The following PCDHA7 variants were observed in gnomAD, a reference collection of about 807,000 sequenced individuals.
PCDHA7 encodes protocadherin alpha-7.
In PCDHA7, 37 loss-of-function variants were observed where a neutral mutation model predicts 57.2. That is an observed-to-expected ratio of 0.65 (90% CI 0.50 to 0.85). The LOEUF is 0.85. Among genes scored for constraint, PCDHA7 ranks in the 40% least tolerant of loss-of-function variants. The probability of loss-of-function intolerance (pLI) is 0.00; values close to 1 mark genes in which losing one functional copy is unlikely to be tolerated. For missense variants in PCDHA7, 1,188 were observed against 1,241.8 expected, an observed-to-expected ratio of 0.96 and a Z score of 0.65; for synonymous variants, 553 against 558.8, an observed-to-expected ratio of 0.99 and a Z score of 0.15.
At chr5:140,967,468 C>T (rs155807) in intron 1 of PCDHA7, 541,339 of 1,613,022 alleles carry the variant, frequency 0.34, 92,423 homozygotes, top group East Asian at 0.5. Context: ...ATGGGGGCAT[C>T]CCAGCCCGCT....
At chr5:140,928,489 C>A in intron 1 of PCDHA7, 1 of 1,614,152 alleles carries the variant, frequency 6.2e-7, no homozygotes. Context: ...TGGTGGCATT[C>A]CTCCCAGAAG....
rs533760082 is a variant in PCDHA7 at position 140,985,940 on chromosome 5, T to C, written c.2503+3377T>C. On this transcript the variant is annotated intron_variant, in intron 3 of 3. Coordinates refer to ENST00000525929, the MANE Select transcript of PCDHA7 (RefSeq NM_018910.3). ...ATTTTTAGTAGAGCCGGGGTTTCAC[T>C]GTGTTAGCCAGGATGGTCTCAATCT... is the stretch of plus-strand genomic sequence containing the variant. Among the ~76,000 whole-genome samples, 4 of 151,946 alleles carry C rather than the reference T, an allele frequency of 2.6e-5. No homozygotes were observed. In the South Asian group the frequency reaches 6.2e-4, roughly 24 times the overall value.
At chr5:140,923,971 A>G (rs557891257) in intron 1 of PCDHA7, among the ~76,000 whole-genome samples, 2 of 152,330 alleles carry the variant, frequency 1.3e-5, no homozygotes, top group East Asian at 3.9e-4. Flanking sequence ...ATACCCACAC[A>G]TACTATCCCT....
chr5:140,954,782 C>T (rs894049284), intron 1 of PCDHA7, among the ~76,000 whole-genome samples: 3 of 152,128 alleles, frequency 2.0e-5, no homozygotes, highest in Non-Finnish European at 4.4e-5. Context: ...TTAATTAGAT[C>T]TCATTTGTCA....
rs782073950 is a variant in PCDHA7, at chr5:140,978,950, C to G, written c.2357C>G (p.Pro786Arg). The G allele has an allele frequency of 1.2e-6, 2 of 1,614,102 alleles. No individual in the cohort carries two copies. The highest frequency in any genetic ancestry group is 1.7e-6 in the Non-Finnish European group (2 of 1,180,022). Reference sequence around the variant, plus strand: ...AAAACTCTCTTTGTGATTTTGCAGCCACGACAGCCCAACCCTGACTGGCGT... The same window carrying G: ...AAAACTCTCTTTGTGATTTTGCAGCGACGACAGCCCAACCCTGACTGGCGT... ...LPQGPSSTDN[P>R]RQPNPDWRYS... The change falls in exon 2 of 4, where the codon CCA becomes CGA. Residue 786 changes from proline to arginine, a missense_variant and splice_region_variant. This residue lies in a region of PCDHA7 where 892 missense variants were observed against 788.5 expected (regional missense o/e 1.13). Coordinates refer to ENST00000525929, the MANE Select transcript of PCDHA7 (RefSeq NM_018910.3).
At chr5:140,966,405 A>G (rs562045428) in intron 1 of PCDHA7, 6 of 404,248 alleles carry the variant, frequency 1.5e-5, no homozygotes, top group African/African-American at 1.2e-4. Context: ...TCGGCGCGGA[A>G]TCAGAGCAGG....
At chr5:140,911,088 C>T (rs1447899502) in intron 1 of PCDHA7, among the ~76,000 whole-genome samples, 3 of 152,092 alleles carry the variant, frequency 2.0e-5, no homozygotes, top group African/African-American at 7.2e-5. Flanking sequence ...ATTATCTTGC[C>T]TGGCAACTGC....
In PCDHA7 at chr5:140,876,730, G is replaced by A. The variant is rs1338047769; in HGVS notation, c.2355+39992G>A. ...CGCCCTGGACCGCGAGAGCGTGTCG[G>A]CCTATGAGCTGGTGGTGACTGCGCG... On this transcript the variant is annotated intron_variant, in intron 1 of 3. Transcript: ENST00000525929. 1.2e-6 allele frequency: 2 copies of A among 1,614,254 alleles called. No individual in the cohort carries two copies. The highest frequency in any genetic ancestry group is 1.7e-6 in the Non-Finnish European group (2 of 1,180,050).
chr5:140,877,531 G>C, intron 1 of PCDHA7: 1 of 1,613,792 alleles, frequency 6.2e-7, no homozygotes, highest in Non-Finnish European at 8.5e-7. Context: ...AGTGGGCGCT[G>C]TGGATCCCGA....
At chr5:140,894,506 A>G (rs533835142) in intron 1 of PCDHA7, among the ~76,000 whole-genome samples, 2 of 151,922 alleles carry the variant, frequency 1.3e-5, no homozygotes, top group Non-Finnish European at 2.9e-5. Flanking sequence ...GGCATTATCC[A>G]TAGTGTTTAT....
intron 1 of PCDHA7, chr5:140,966,800 G>A: frequency 6.5e-7 from 1 of 1,540,654 alleles, no homozygotes; most frequent in Non-Finnish European, 8.7e-7. Context: ...TGCGGCGACA[G>A]AGCATCCACG....
intron 1 of PCDHA7, chr5:140,856,933 C>T: frequency 5.0e-6 from 8 of 1,593,874 alleles, no homozygotes; most frequent in Non-Finnish European, 6.0e-6. Flanking sequence ...TTTGGATAAA[C>T]GAAAGGACGG....
At chr5:140,870,930 A>C (rs373236202) in intron 1 of PCDHA7, 10 of 1,613,732 alleles carry the variant, frequency 6.2e-6, no homozygotes, top group Non-Finnish European at 8.5e-6. Flanking sequence ...TTTCATATGA[A>C]TTGCAGCCGG....
At chr5:140,850,071 G>A (rs2150465789) in intron 1 of PCDHA7, 1 of 1,596,556 alleles carries the variant, frequency 6.3e-7, no homozygotes, top group Non-Finnish European at 8.6e-7. Flanking sequence ...GTTGGACCAC[G>A]AGGAGCTGGA....
chr5:140,858,074 A>T (rs782716439), intron 1 of PCDHA7: 3 of 1,597,640 alleles, frequency 1.9e-6, no homozygotes, highest in Middle Eastern at 1.7e-4. Context: ...CCAGGCACCC[A>T]AGGCCTCGTC....
intron 1 of PCDHA7, chr5:140,884,678 A>T (rs781881057): frequency 1.0e-5 from 16 of 1,553,210 alleles, no homozygotes; most frequent in South Asian, 4.9e-5. Context: ...CTTATATTTT[A>T]AAAAATTGTC....
At chr5:140,874,625 T>C (rs1342932675) in intron 1 of PCDHA7, among the ~76,000 whole-genome samples, 3 of 152,238 alleles carry the variant, frequency 2.0e-5, no homozygotes, top group Admixed American at 6.5e-5. Flanking sequence ...ACATTTTACA[T>C]TAAAGTGCTT....
chr5:140,862,365 G>A (rs569361686), intron 1 of PCDHA7: 7 of 337,896 alleles, frequency 2.1e-5, no homozygotes, highest in African/African-American at 1.3e-4. Context: ...CAGACGACCC[G>A]CACCCTGACT....
chr5:140,900,840 T>C (rs6874218), intron 1 of PCDHA7, among the ~76,000 whole-genome samples: 1 of 151,950 alleles, frequency 6.6e-6, no homozygotes, highest in Admixed American at 6.6e-5. Flanking sequence ...ATGTACAAAG[T>C]TTCCCTTTTT....
Sources: gnomAD v4.1 joint callset for allele counts (sites outside exome capture counted in the v4.1 genomes callset) on GRCh38, gnomAD v4.1.1 for gene constraint, gnomAD v4.1.1 regional missense constraint, MANE v1.5 for transcripts, NCBI Gene and HGNC (gene_info 2026-07-23, HGNC 2026-07-21) for gene names.